The following SCARB2 variants were observed in gnomAD, a reference collection of about 807,000 sequenced individuals.
SCARB2 encodes the protein scavenger receptor class B member 2, also known as lysosome membrane protein 2.
In SCARB2, 29 loss-of-function variants were observed where a neutral mutation model predicts 58.6. The observed-to-expected ratio is 0.49, with a 90% CI of 0.37 to 0.67. The LOEUF (loss-of-function observed/expected upper bound fraction) is 0.67. Among genes scored for constraint, SCARB2 ranks in the 30% least tolerant of loss-of-function variants. SCARB2 has a pLI of 0.00. For missense variants in SCARB2, 488 were observed against 578.5 expected (o/e 0.84, Z 1.60); for synonymous variants, 195 against 210.1 (o/e 0.93, Z 0.62).
intron 1 of SCARB2, among the ~76,000 whole-genome samples, chr4:76,221,577 T>C (rs1445128190): frequency 6.6e-6 from 1 of 152,104 alleles, no homozygotes; most frequent in East Asian, 1.9e-4. Context: ...GCCTTGGCTT[T>C]CTAAAGTGCT....
At position 76,159,333 on chromosome 4, in the gene SCARB2, T is replaced by A. The variant is rs1731845867; in HGVS notation, c.*2380A>T. Reference sequence around the variant, plus strand: ...CTTAAAGCCAAATAGGTGCATTCATTCCTCTTAATCTATAATTTTGACTGT... The same window carrying A: ...CTTAAAGCCAAATAGGTGCATTCATACCTCTTAATCTATAATTTTGACTGT... On this transcript the variant is annotated 3_prime_UTR_variant, in exon 12 of 12. Transcript: ENST00000264896. The A allele has an allele frequency of 6.6e-6, 1 of 152,226 alleles. No homozygotes were observed. Among genetic ancestry groups the A allele is most frequent in the South Asian group, 2.1e-4 (1 of 4,828 alleles). The allele number at this position is 152,226 out of a possible 1,614,324, so 9.4% of individuals were successfully genotyped here.
intron 10 of SCARB2, chr4:76,165,961 A>G (rs1175913758): frequency 3.8e-6 from 2 of 524,346 alleles, no homozygotes; most frequent in Non-Finnish European, 6.9e-6. Flanking sequence ...ATGTCTGCCA[A>G]TGGCTCCTTT....
intron 3 of SCARB2, 114 bp downstream of exon 3, chr4:76,180,840 A>G: frequency 1.3e-6 from 1 of 791,382 alleles, no homozygotes; most frequent in Non-Finnish European, 1.9e-6. Flanking sequence ...CTTTTTATAT[A>G]TGTATATTTC....
rs1162887182 is a variant in SCARB2, at chr4:76,167,695, T to C, written c.1187+708A>G. ...CCTCCCCCCCCCCGCTTTTTTTTTT[T>C]TTCCTGAGACACAGTCTTGCTCTGT... On this transcript the variant is annotated intron_variant, in intron 9 of 11. Transcript: ENST00000264896. 5.2e-5 allele frequency among the ~76,000 whole-genome samples: 7 copies of C among 134,636 alleles called. 1 individual carries two copies. The highest frequency in any genetic ancestry group is 9.5e-5 in the Non-Finnish European group (6 of 62,844). The allele number at this position is 134,636 out of a possible 152,430, so 88.3% of individuals were successfully genotyped here. A position where few individuals can be genotyped will look rare whatever the true frequency, so the allele number is the denominator to read the frequency against.
intron 4 of SCARB2, among the ~76,000 whole-genome samples, chr4:76,177,671 C>T (rs913469798): frequency 1.3e-5 from 2 of 152,222 alleles, no homozygotes; most frequent in Non-Finnish European, 2.9e-5. Context: ...GGTATATCTA[C>T]ACAACGGAAT....
chr4:76,162,087 C>T (rs1578711322), intron 11 of SCARB2: 1 of 343,786 alleles, frequency 2.9e-6, no homozygotes, highest in East Asian at 5.6e-5. Context: ...TATTAGTTCT[C>T]AATAATTCCT....
At chr4:76,207,836 A>T (rs945820011) in intron 1 of SCARB2, among the ~76,000 whole-genome samples, 7 of 152,218 alleles carry the variant, frequency 4.6e-5, no homozygotes, top group Non-Finnish European at 1.0e-4. Context: ...TTAACAATAA[A>T]GCAAAGTAGT....
At chr4:76,165,374 A>C (rs894437927) in intron 10 of SCARB2, 6 of 152,210 alleles carry the variant, frequency 3.9e-5, no homozygotes, top group African/African-American at 1.4e-4. Flanking sequence ...GATTTCAACT[A>C]TGTAATATCA....
chr4:76,214,659 C>T (rs1054175085), upstream of SCARB2, among the ~76,000 whole-genome samples: 2 of 152,152 alleles, frequency 1.3e-5, no homozygotes, highest in Admixed American at 6.5e-5. Context: ...CCCAGACACC[C>T]AGGACCAAGA....
chr4:76,212,976 C>G (rs1560723053), intron 1 of SCARB2: 2 of 263,198 alleles, frequency 7.6e-6, no homozygotes, highest in Non-Finnish European at 7.6e-6. Context: ...GGCAAGAACA[C>G]AATAGACCGC....
At chr4:76,174,435 A>G in intron 6 of SCARB2, 122 bp from the exon 7 acceptor site, 2 of 848,384 alleles carry the variant, frequency 2.4e-6, no homozygotes, top group Non-Finnish European at 4.0e-6. Context: ...GTAAGTAGAA[A>G]GGAATGTTTG....
chr4:76,224,152 T>C (rs1733354468), intron 1 of SCARB2, among the ~76,000 whole-genome samples: 1 of 152,210 alleles, frequency 6.6e-6, no homozygotes, highest in South Asian at 2.1e-4. Context: ...ATCTTACCCT[T>C]TCCTATATCT....
At chr4:76,215,201 A>G (rs973272206), upstream of SCARB2, among the ~76,000 whole-genome samples, 3 of 152,206 alleles carry the variant, frequency 2.0e-5, no homozygotes, top group African/African-American at 7.2e-5. Context: ...CAGTTATGCT[A>G]TCTACACTGC....
At chr4:76,196,728 G>A (rs993127057) in intron 1 of SCARB2, among the ~76,000 whole-genome samples, 4 of 152,088 alleles carry the variant, frequency 2.6e-5, no homozygotes, top group African/African-American at 9.7e-5. Context: ...GCCTATCCCC[G>A]TTTCAAAAAC....
At chr4:76,167,093 A>G (rs1732024472) in intron 9 of SCARB2, among the ~76,000 whole-genome samples, 1 of 152,232 alleles carries the variant, frequency 6.6e-6, no homozygotes, top group African/African-American at 2.4e-5. Context: ...TTCCCATTGA[A>G]AAGTCTGAGC....
intron 4 of SCARB2, chr4:76,176,947 T>C (rs1732262305): frequency 6.4e-6 from 1 of 157,152 alleles, no homozygotes; most frequent in African/African-American, 2.4e-5. Flanking sequence ...GCCAATTCCA[T>C]AATATAAATT....
intron 1 of SCARB2, among the ~76,000 whole-genome samples, chr4:76,219,665 G>A (rs1211731272): frequency 6.6e-6 from 1 of 152,068 alleles, no homozygotes. Flanking sequence ...GAGGGTAGAG[G>A]CAGACTTTGT....
rs1732703872 is a variant in SCARB2, at chr4:76,195,968, A to G, written c.118-104T>C. 3.9e-6 allele frequency: 3 copies of G among 765,720 alleles called. No individual in the cohort carries two copies. The African/African-American group carries it at 5.3e-5, about 13-fold the overall frequency. 47.4% of individuals were successfully genotyped at this position (765,720 alleles called of 1,614,324 possible). On this transcript the variant is annotated intron_variant, in intron 1 of 11. Coordinates refer to ENST00000264896, the MANE Select transcript of SCARB2 (RefSeq NM_005506.4). ...GCCCCCTATTCTGACCTCCTAGATC[A>G]CTATTTTAATCATTTCACAGGCATT...
At chr4:76,213,246 CCATCCTTCCT>C in intron 1 of SCARB2, 171 bp downstream of exon 1, 2 of 661,894 alleles carry the variant, frequency 3.0e-6, no homozygotes, top group South Asian at 1.7e-5. Flanking sequence ...AGAGTCGGCT[CCATCCTTCCT>C]CATCCTTCTT....
Sources: allele counts gnomAD v4.1 joint callset (sites outside exome capture counted in the v4.1 genomes callset), GRCh38; gene constraint gnomAD v4.1.1; transcripts MANE v1.5; gene names NCBI Gene and HGNC (gene_info 2026-07-23, HGNC 2026-07-21).